Variants in CRACD observed in about 807,000 individuals in gnomAD.
CRACD encodes capping protein inhibiting regulator of actin dynamics, also known as capping protein-inhibiting regulator of actin dynamics.
In CRACD, 56 loss-of-function variants were observed where a neutral mutation model predicts 106.8. The observed-to-expected ratio is 0.52, with a 90% CI of 0.42 to 0.66. The LOEUF (loss-of-function observed/expected upper bound fraction) is 0.66, where lower values mean the gene tolerates loss of function less well. CRACD is among the 30% of genes least tolerant of loss of function. CRACD has a pLI of 0.00. For missense variants in CRACD, 1,730 were observed against 1,623.2 expected (o/e 1.07, Z -1.13); for synonymous variants, 754 against 670.8 (o/e 1.12, Z -1.92).
At chr4:56,053,162 C>T (rs59267229) in intron 1 of CRACD, among the ~76,000 whole-genome samples, 12,481 of 152,172 alleles carry the variant, frequency 0.082, 663 homozygotes, top group Non-Finnish European at 0.12. Context: ...GAATGAATGT[C>T]GGCTTTTGTT....
rs116090349 is a variant in CRACD, at chr4:56,172,453, G to T, written c.-335-6831G>T. On this transcript the variant is annotated intron_variant, in intron 1 of 10. Coordinates refer to ENST00000682029, the MANE Select transcript of CRACD (RefSeq NM_001393381.1). ...GAAGTGAACGAATCTTGGAGATGTG[G>T]TTCTAACACCCAACCTTTCTTTTTT... Among the ~76,000 whole-genome samples the T allele has an allele frequency of 2.8e-3, 433 of 152,254 alleles. 2 individuals are homozygous for T. The highest frequency in any genetic ancestry group is 9.5e-3 in the African/African-American group (394 of 41,544).
At chr4:56,172,897 G>A (rs1176311492) in intron 1 of CRACD, among the ~76,000 whole-genome samples, 11 of 152,050 alleles carry the variant, frequency 7.2e-5, no homozygotes, top group Admixed American at 3.9e-4. Flanking sequence ...GCTGGATTAC[G>A]GGCATGAGCC....
chr4:56,267,184 G>A (rs1485076652), intron 2 of CRACD, among the ~76,000 whole-genome samples: 1 of 151,280 alleles, frequency 6.6e-6, no homozygotes, highest in Non-Finnish European at 1.5e-5. Flanking sequence ...GCAGTGGTGC[G>A]ATCTCGGCTC....
chr4:56,187,087 C>T (rs1315818027), intron 2 of CRACD, among the ~76,000 whole-genome samples: 8 of 151,854 alleles, frequency 5.3e-5, no homozygotes, highest in Non-Finnish European at 8.8e-5. Context: ...AAAAAACAAC[C>T]AGAGGCTTTG....
At chr4:56,101,165 C>T (rs577077848) in intron 1 of CRACD, among the ~76,000 whole-genome samples, 1 of 152,156 alleles carries the variant, frequency 6.6e-6, no homozygotes, top group South Asian at 2.1e-4. Flanking sequence ...CCCTTTTCTT[C>T]CCAAGTATAT....
chr4:56,109,660 A>G (rs1734055577), intron 1 of CRACD, among the ~76,000 whole-genome samples: 2 of 152,310 alleles, frequency 1.3e-5, no homozygotes, highest in South Asian at 4.1e-4. Context: ...ACTCTGTAAA[A>G]TTTCTGCAAA....
At chr4:56,290,067 T>G (rs1743617720) in intron 3 of CRACD, among the ~76,000 whole-genome samples, 1 of 152,214 alleles carries the variant, frequency 6.6e-6, no homozygotes, top group South Asian at 2.1e-4. Context: ...TTTTGCTGCT[T>G]CCAGTTTACT....
At chr4:56,276,319 T>C (rs1287773667) in intron 3 of CRACD, among the ~76,000 whole-genome samples, 1 of 152,150 alleles carries the variant, frequency 6.6e-6, no homozygotes, top group Non-Finnish European at 1.5e-5. Context: ...CAAAAACAAA[T>C]TAAATAGGAT....
intron 2 of CRACD, among the ~76,000 whole-genome samples, chr4:56,237,355 C>T (rs1740039303): frequency 6.6e-6 from 1 of 152,046 alleles, no homozygotes; most frequent in Non-Finnish European, 1.5e-5. Flanking sequence ...CAGGCATGAG[C>T]CATGATGAGT....
At chr4:56,288,790 G>T (rs1464582516) in intron 3 of CRACD, among the ~76,000 whole-genome samples, 10 of 152,172 alleles carry the variant, frequency 6.6e-5, no homozygotes, top group African/African-American at 1.9e-4. Context: ...TCATAAGGCT[G>T]CATTCCTGTA....
At position 56,313,218 on chromosome 4, in the gene CRACD, C is replaced by G. The variant is rs375254270; in HGVS notation, c.376C>G (p.Arg126Gly). 1 of 1,613,970 alleles carries G rather than the reference C, an allele frequency of 6.2e-7. No homozygotes were observed. The highest frequency in any genetic ancestry group is 1.1e-5 in the South Asian group (1 of 91,082). Residue 126 changes from arginine (R) to glycine (G), a missense_variant, in exon 7 of 11, where the codon CGG becomes GGG. Around this residue, in one of 5 missense-constraint regions of CRACD, gnomAD observed 1,620 missense variants for 1,481.6 expected, o/e 1.09. Transcript: ENST00000682029. Reference sequence around the variant, plus strand: ...ACAGGTTGCTCCCGTTAAACCGTCTCGGCCAAAAAGGCACTTCTCTTCTGC... The same window carrying G: ...ACAGGTTGCTCCCGTTAAACCGTCTGGGCCAAAAAGGCACTTCTCTTCTGC... ...EEKVAPVKPS[R>G]PKRHFSSAGT...
At chr4:56,210,175 A>G (rs1353987059) in intron 2 of CRACD, among the ~76,000 whole-genome samples, 1 of 152,238 alleles carries the variant, frequency 6.6e-6, no homozygotes, top group East Asian at 1.9e-4. Flanking sequence ...AAATCAAGCA[A>G]GTATAAAATT....
At chr4:56,284,701 G>A (rs1197651423) in intron 3 of CRACD, among the ~76,000 whole-genome samples, 3 of 151,796 alleles carry the variant, frequency 2.0e-5, no homozygotes, top group Admixed American at 6.6e-5. Context: ...CCCCAGCCTG[G>A]GCTACAGAGT....
chr4:56,178,163 C>T lies in CRACD; in HGVS notation c.-335-1121C>T, dbSNP rs555181537. On this transcript the variant is annotated intron_variant, in intron 1 of 10. Transcript: ENST00000682029. ...TGATGGGAGTGCAAAATGATACAAC[C>T]GCTTCTGAAAAATGTTTCACAGTTC... is the stretch of plus-strand genomic sequence containing the variant. Among the ~76,000 whole-genome samples, 8 of 152,206 alleles carry T rather than the reference C, an allele frequency of 5.3e-5. No homozygotes were observed. The East Asian group carries it at 9.7e-4, about 18-fold the overall frequency.
intron 4 of CRACD, among the ~76,000 whole-genome samples, chr4:56,303,903 G>T (rs7663516): frequency 0.29 from 43,501 of 152,042 alleles, 8,697 homozygotes; most frequent in African/African-American, 0.57. Context: ...CTCTTTCATC[G>T]CAGTTTCTCT....
intron 2 of CRACD, among the ~76,000 whole-genome samples, chr4:56,209,150 A>G (rs1295209439): frequency 6.6e-6 from 1 of 152,202 alleles, no homozygotes; most frequent in East Asian, 1.9e-4. Context: ...AACTCATTCA[A>G]TGTCAGTCAG....
At chr4:56,072,267 G>C (rs1327964529) in intron 1 of CRACD, among the ~76,000 whole-genome samples, 1 of 151,972 alleles carries the variant, frequency 6.6e-6, no homozygotes, top group African/African-American at 2.4e-5. Context: ...TTTGACATAA[G>C]GCTTTCTACC....
intron 2 of CRACD, among the ~76,000 whole-genome samples, chr4:56,217,843 G>T (rs1202363144): frequency 6.6e-6 from 1 of 152,172 alleles, no homozygotes; most frequent in Non-Finnish European, 1.5e-5. Context: ...AGTTGGTTGT[G>T]GGAGCTTAGG....
chr4:56,213,620 G>A (rs527683489), intron 2 of CRACD, among the ~76,000 whole-genome samples: 1 of 152,286 alleles, frequency 6.6e-6, no homozygotes, highest in East Asian at 1.9e-4. Flanking sequence ...AAAGGAAAGT[G>A]ACATTAGTAA....
Sources: gnomAD v4.1 joint callset for allele counts (sites outside exome capture counted in the v4.1 genomes callset) on GRCh38, gnomAD v4.1.1 for gene constraint, gnomAD v4.1.1 regional missense constraint, MANE v1.5 for transcripts, NCBI Gene and HGNC (gene_info 2026-07-23, HGNC 2026-07-21) for gene names.